The following MLYCD variants were observed in gnomAD, a reference collection of about 807,000 sequenced individuals.
MLYCD encodes malonyl-CoA decarboxylase.
A neutral mutation model predicts 35.8 loss-of-function variants in MLYCD; 27 were observed. That is an observed-to-expected ratio of 0.75 (90% CI 0.56 to 1.04). The LOEUF (loss-of-function observed/expected upper bound fraction) is 1.04. Ranked by LOEUF, MLYCD falls within the 50% of genes least tolerant of loss-of-function variation. The pLI is 0.00. For synonymous variants in MLYCD, 403 were observed against 302.4 expected (o/e 1.33, Z -3.45); for missense variants, 917 against 665.1 (o/e 1.38, Z -4.17).
At position 83,922,598 on chromosome 16, in the gene MLYCD, T is replaced by G. The variant is rs1398562618; in HGVS notation, c.*7109T>G. 6.6e-6 allele frequency: 1 copy of G among 152,352 alleles called. No homozygotes were observed. Among genetic ancestry groups the G allele is most frequent in the Non-Finnish European group, 1.5e-5 (1 of 68,144 alleles). 9.4% of individuals were successfully genotyped at this position (152,352 alleles called of 1,614,324 possible). A position where few individuals can be genotyped will look rare whatever the true frequency, so the allele number is the denominator to read the frequency against. On this transcript the variant is annotated 3_prime_UTR_variant, in exon 5 of 5. Coordinates refer to ENST00000262430, the MANE Select transcript of MLYCD (RefSeq NM_012213.3). ...CCACCTACCCTTGCTTTGCCTCAGTTTCCTCATCTTTAAGTGGCAGTAACC... is the reference window on the plus strand; with the variant it reads ...CCACCTACCCTTGCTTTGCCTCAGTGTCCTCATCTTTAAGTGGCAGTAACC...
intron 4 of MLYCD, chr16:83,913,520 C>T (rs1441553144): frequency 6.6e-6 from 1 of 152,334 alleles, no homozygotes; most frequent in Non-Finnish European, 1.5e-5. Flanking sequence ...CGTGGAGGCG[C>T]TCGTCAGGGT....
rs966127031 is a variant in MLYCD, at chr16:83,926,869, G to C, written c.*11380G>C. 6.6e-6 allele frequency: 1 copy of C among 152,244 alleles called. No homozygotes were observed. The highest frequency in any genetic ancestry group is 2.4e-5 in the African/African-American group (1 of 41,466). The allele number at this position is 152,244 out of a possible 1,614,324, so 9.4% of individuals were successfully genotyped here. On this transcript the variant is annotated 3_prime_UTR_variant, in exon 5 of 5. Coordinates refer to ENST00000262430, the MANE Select transcript of MLYCD (RefSeq NM_012213.3). The stretch of plus-strand genomic sequence containing the variant: ...GTGTTGCGCCCCTCCAGCCTCCTCT[G>C]CTCTGCGCTTGGGCGCTGAATGTTA...
chr16:83,909,618 GT>G (rs1907100510), intron 3 of MLYCD, among the ~76,000 whole-genome samples: 1 of 139,130 alleles, frequency 7.2e-6, no homozygotes, highest in South Asian at 2.2e-4. Flanking sequence ...TGGTGGTGTT[GT>G]GTTTTTTTTT....
chr16:83,904,802 C>G (rs1185375735), intron 1 of MLYCD, among the ~76,000 whole-genome samples: 1 of 152,188 alleles, frequency 6.6e-6, no homozygotes, highest in Non-Finnish European at 1.5e-5. Context: ...TCACCGTCTC[C>G]CAGGATGACC....
In MLYCD at chr16:83,923,770, GGTCCACCTCCT is replaced by G. The variant is rs1465214635; in HGVS notation, c.*8283_*8293del. 14 of 152,382 alleles carry G rather than the reference GGTCCACCTCCT, an allele frequency of 9.2e-5. No homozygotes were observed. The highest frequency in any genetic ancestry group is 2.1e-4 in the Non-Finnish European group (14 of 68,208). 9.4% of individuals were successfully genotyped at this position (152,382 alleles called of 1,614,324 possible). A position where few individuals can be genotyped will look rare whatever the true frequency, so the allele number is the denominator to read the frequency against. On this transcript the variant is annotated 3_prime_UTR_variant, in exon 5 of 5. Coordinates refer to ENST00000262430, the MANE Select transcript of MLYCD (RefSeq NM_012213.3). ...CACCCAGCTCTCCTTCCACCGCACT[GGTCCACCTCCT>G]GACCGTACGTGGGGAGACCCACGCA...
intron 1 of MLYCD, among the ~76,000 whole-genome samples, chr16:83,903,194 G>T (rs1005288752): frequency 6.6e-6 from 1 of 152,106 alleles, no homozygotes; most frequent in Non-Finnish European, 1.5e-5. Flanking sequence ...AATGAGAGGT[G>T]CTCCAACCTT....
intron 1 of MLYCD, among the ~76,000 whole-genome samples, chr16:83,902,784 G>A (rs1906844374): frequency 6.6e-6 from 1 of 152,160 alleles, no homozygotes; most frequent in African/African-American, 2.4e-5. Context: ...GGAATTACAG[G>A]TGTGAACCAC....
rs543646297 is a variant in MLYCD at position 83,916,782 on chromosome 16, A to C, written c.*1293A>C. ...TCAGTGCACGTCTGTGTGCATGTGCACGAGCGTTCTATGTGGATCAGTGCA... is the reference window on the plus strand; with the variant it reads ...TCAGTGCACGTCTGTGTGCATGTGCCCGAGCGTTCTATGTGGATCAGTGCA... On this transcript the variant is annotated 3_prime_UTR_variant, in exon 5 of 5. Transcript: ENST00000262430. The C allele has an allele frequency of 7.9e-6, 1 of 126,090 alleles. No individual in the cohort carries two copies. Among genetic ancestry groups the C allele is most frequent in the Non-Finnish European group, 1.6e-5 (1 of 62,388 alleles). 7.8% of individuals were successfully genotyped at this position (126,090 alleles called of 1,614,324 possible).
At position 83,915,676 on chromosome 16, in the gene MLYCD, A is replaced by C. The variant is rs1907358828; in HGVS notation, c.*187A>C. 6.8e-7 allele frequency: 1 copy of C among 1,478,114 alleles called. No homozygotes were observed. Among genetic ancestry groups the C allele is most frequent in the South Asian group, 1.3e-5 (1 of 75,144 alleles). 91.6% of individuals were successfully genotyped at this position (1,478,114 alleles called of 1,614,324 possible). A position where few individuals can be genotyped will look rare whatever the true frequency, so the allele number is the denominator to read the frequency against. The stretch of plus-strand genomic sequence containing the variant: ...CTCACCCTGGGCGTGACATGCACCC[A>C]GTGCAAGACGGTTGTGGGTGCGGGT... On this transcript the variant is annotated 3_prime_UTR_variant, in exon 5 of 5. Coordinates refer to ENST00000262430, the MANE Select transcript of MLYCD (RefSeq NM_012213.3).
In MLYCD at chr16:83,921,617, C is replaced by T. The variant is rs1271023660; in HGVS notation, c.*6128C>T. 6.6e-6 allele frequency: 1 copy of T among 152,114 alleles called. No individual in the cohort carries two copies. The highest frequency in any genetic ancestry group is 2.4e-5 in the African/African-American group (1 of 41,392). The allele number at this position is 152,114 out of a possible 1,614,324, so 9.4% of individuals were successfully genotyped here. A position where few individuals can be genotyped will look rare whatever the true frequency, so the allele number is the denominator to read the frequency against. On this transcript the variant is annotated 3_prime_UTR_variant, in exon 5 of 5. Transcript: ENST00000262430. ...TCATAAGGAGAAAGAGCCTGTCGTCCCTCTATGATACTGCACTGAACCAAT... is the reference window on the plus strand; with the variant it reads ...TCATAAGGAGAAAGAGCCTGTCGTCTCTCTATGATACTGCACTGAACCAAT...
In MLYCD at chr16:83,923,886, CAG is replaced by C. The variant is rs1907727891; in HGVS notation, c.*8399_*8400del. Reference sequence around the variant, plus strand: ...TTGGCAAGCCTGGAGGGGAATAGGTCAGAAAGGTAGCCCGGCTGGGCTGAGAG... The same window carrying C: ...TTGGCAAGCCTGGAGGGGAATAGGTCAAAGGTAGCCCGGCTGGGCTGAGAG... On this transcript the variant is annotated 3_prime_UTR_variant, in exon 5 of 5. Coordinates refer to ENST00000262430, the MANE Select transcript of MLYCD (RefSeq NM_012213.3). 6.6e-6 allele frequency: 1 copy of C among 152,442 alleles called. No individual in the cohort carries two copies. Among genetic ancestry groups the C allele is most frequent in the Non-Finnish European group, 1.5e-5 (1 of 68,340 alleles). The allele number at this position is 152,442 out of a possible 1,614,324, so 9.4% of individuals were successfully genotyped here.
intron 3 of MLYCD, among the ~76,000 whole-genome samples, chr16:83,909,385 C>T (rs912288531): frequency 3.3e-5 from 5 of 152,014 alleles, no homozygotes; most frequent in South Asian, 4.2e-4. Context: ...GGCGCGGCCT[C>T]GTGTACATCA....
Position 83,920,479 on chromosome 16 carries a change from C to T in MLYCD, c.*4990C>T, listed in dbSNP as rs1275195977. 6.6e-6 allele frequency: 1 copy of T among 152,300 alleles called. No individual in the cohort carries two copies. Among genetic ancestry groups the T allele is most frequent in the African/African-American group, 2.4e-5 (1 of 41,450 alleles). The allele number at this position is 152,300 out of a possible 1,614,324, so 9.4% of individuals were successfully genotyped here. ...AAGACCCCCAGCCCATGCCCGTTCT[C>T]AGGCCTGAGGTTCATTCTCGTTCTC... On this transcript the variant is annotated 3_prime_UTR_variant, in exon 5 of 5. Coordinates refer to ENST00000262430, the MANE Select transcript of MLYCD (RefSeq NM_012213.3).
intron 4 of MLYCD, chr16:83,914,028 A>G (rs942972293): frequency 3.3e-5 from 5 of 152,212 alleles, no homozygotes; most frequent in Admixed American, 2.6e-4. Context: ...CACCCATGCA[A>G]AAATCGCATC....
rs1408863351 is a variant in MLYCD, at chr16:83,915,859, G to A, written c.*370G>A. ...CCAGGGGGATCTGGCATCCTCCTAA[G>A]GACCGGGGCGCGTGGCCCAGATAAG... is the stretch of plus-strand genomic sequence containing the variant. On this transcript the variant is annotated 3_prime_UTR_variant, in exon 5 of 5. Transcript: ENST00000262430. The A allele has an allele frequency of 8.4e-7, 1 of 1,193,764 alleles. No homozygotes were observed. Among genetic ancestry groups the A allele is most frequent in the African/African-American group, 1.6e-5 (1 of 63,864 alleles). 73.9% of individuals were successfully genotyped at this position (1,193,764 alleles called of 1,614,324 possible).
chr16:83,910,602 G>C (rs938992101), intron 3 of MLYCD, among the ~76,000 whole-genome samples: 3 of 151,468 alleles, frequency 2.0e-5, no homozygotes, highest in East Asian at 3.9e-4. Flanking sequence ...AGGCACAAAT[G>C]AGAATCGCTT....
chr16:83,915,966 A>G lies in MLYCD; in HGVS notation c.*477A>G. The G allele has an allele frequency of 9.5e-7, 1 of 1,047,958 alleles. No homozygotes were observed. Among genetic ancestry groups the G allele is most frequent in the Non-Finnish European group, 1.2e-6 (1 of 866,510 alleles). The allele number at this position is 1,047,958 out of a possible 1,614,324, so 64.9% of individuals were successfully genotyped here. A position where few individuals can be genotyped will look rare whatever the true frequency, so the allele number is the denominator to read the frequency against. On this transcript the variant is annotated 3_prime_UTR_variant, in exon 5 of 5. Coordinates refer to ENST00000262430, the MANE Select transcript of MLYCD (RefSeq NM_012213.3). ...TTCTCACCATGCAATGCAGAGGGAC[A>G]AAGGGCTGTGCTACACTTCCCAGTT...
rs1907365480 is a variant in MLYCD at position 83,915,841 on chromosome 16, G to T, written c.*352G>T. On this transcript the variant is annotated 3_prime_UTR_variant, in exon 5 of 5. Coordinates refer to ENST00000262430, the MANE Select transcript of MLYCD (RefSeq NM_012213.3). ...GCCTCTGCCATTGCCATCCCAGGGG[G>T]ATCTGGCATCCTCCTAAGGACCGGG... is the stretch of plus-strand genomic sequence containing the variant. The T allele has an allele frequency of 4.1e-6, 5 of 1,217,286 alleles. No homozygotes were observed. The highest frequency in any genetic ancestry group is 3.5e-4 in the Middle Eastern group (1 of 2,880). The allele number at this position is 1,217,286 out of a possible 1,614,324, so 75.4% of individuals were successfully genotyped here.
At chr16:83,902,186 TATA>T (rs1906818966) in intron 1 of MLYCD, among the ~76,000 whole-genome samples, 1 of 145,052 alleles carries the variant, frequency 6.9e-6, no homozygotes, top group Non-Finnish European at 1.5e-5. Flanking sequence ...TATATATATA[TATA>T]TGGTTTTTTG....
Sources: allele counts gnomAD v4.1 joint callset (sites outside exome capture counted in the v4.1 genomes callset), GRCh38; gene constraint gnomAD v4.1.1; transcripts MANE v1.5; gene names NCBI Gene and HGNC (gene_info 2026-07-23, HGNC 2026-07-21).